Variants in DNLZ observed in about 807,000 individuals in gnomAD.
DNLZ encodes the protein DNL-type zinc finger protein.
Under a neutral mutation model 7.8 loss-of-function variants are expected in DNLZ, and 15 were observed. That is an observed-to-expected ratio of 1.91 (90% CI 1.28 to 2.95). The LOEUF (loss-of-function observed/expected upper bound fraction) is 2.95. DNLZ is among the 30% of genes most tolerant of loss of function. The probability of loss-of-function intolerance (pLI) is 0.00; values close to 1 mark genes in which losing one functional copy is unlikely to be tolerated. For missense variants in DNLZ, 255 were observed against 167.3 expected, an observed-to-expected ratio of 1.52 and a Z score of -2.89; for synonymous variants, 123 against 77.8, an observed-to-expected ratio of 1.58 and a Z score of -3.05.
At position 136,363,057 on chromosome 9, in the gene DNLZ, G is replaced by A. The variant is rs200344673; in HGVS notation, c.300C>T (p.Cys100=). 15 of 1,613,798 alleles carry A rather than the reference G, an allele frequency of 9.3e-6. No individual in the cohort carries two copies. Among genetic ancestry groups the A allele is most frequent in the Middle Eastern group, 1.6e-4 (1 of 6,062 alleles). The change falls in exon 2 of 3, where the codon TGC becomes TGT. Residue 100 remains cysteine (C), a synonymous_variant. Transcript: ENST00000371738. ...TGATATGGTGGTTCTGGCAGCCGGG[G>A]CAGGTCACAATGACCACGCCTTGGT... ...AYHQGVVIVT[C]PGCQNHHIIA...
rs930886860 is a variant in DNLZ at position 136,363,693 on chromosome 9, C to A, written c.22G>T (p.Gly8Cys). 1.2e-5 allele frequency: 5 copies of A among 413,850 alleles called. No homozygotes were observed. Among genetic ancestry groups the A allele is most frequent in the Non-Finnish European group, 1.3e-5 (3 of 236,778 alleles). The allele number at this position is 413,850 out of a possible 1,614,324, so 25.6% of individuals were successfully genotyped here. ...ACGCGACTCAGCAACCTCGGCGCGC[C>A]GCGCAGCGCAGTCCGCAGCATCCCG... MLRTALRGAPRLLSRVQP... is the reference protein window; with the variant it reads MLRTALRCAPRLLSRVQP... Residue 8 changes from glycine (G) to cysteine (C), a missense_variant, in exon 1 of 3, where the codon GGC becomes TGC. Physicochemically the swap from Gly to Cys is radical, Grantham distance 159 (BLOSUM62 -3). Transcript: ENST00000371738.
At chr9:136,362,939 A>T (rs749948326) in intron 2 of DNLZ, 50 bp downstream of exon 2, 1 of 1,591,778 alleles carries the variant, frequency 6.3e-7, no homozygotes, top group Admixed American at 1.7e-5. Flanking sequence ...CAGGGAGGCC[A>T]GGGTACTTCT....
chr9:136,363,615 C>G lies in DNLZ; in HGVS notation c.100G>C (p.Glu34Gln). 1 of 505,580 alleles carries G rather than the reference C, an allele frequency of 2.0e-6. No homozygotes were observed. The highest frequency in any genetic ancestry group is 3.5e-6 in the Non-Finnish European group (1 of 286,968). The allele number at this position is 505,580 out of a possible 1,614,324, so 31.3% of individuals were successfully genotyped here. Reference protein sequence around the residue: ...RRLWGRGARPEVAGRRRAWAW... With the variant: ...RRLWGRGARPQVAGRRRAWAW... ...CAGGCCCGCCGCCTCCCCGCGACCT[C>G]TGGACGGGCCCCGCGGCCCCACAGC... The change falls in exon 1 of 3, where the codon GAG becomes CAG. Residue 34 changes from glutamate to glutamine, a missense_variant. By Grantham distance (29) the Glu-to-Gln change is conservative. Coordinates refer to ENST00000371738, the MANE Select transcript of DNLZ (RefSeq NM_001080849.3).
chr9:136,363,297 G>A lies in DNLZ; in HGVS notation c.229-169C>T, dbSNP rs113727969. 9.6e-4 allele frequency: 403 copies of A among 421,510 alleles called. 8 individuals are homozygous for A. The South Asian group carries it at 0.013, about 14-fold the overall frequency. 26.1% of individuals were successfully genotyped at this position (421,510 alleles called of 1,614,324 possible). A position where few individuals can be genotyped will look rare whatever the true frequency, so the allele number is the denominator to read the frequency against. On this transcript the variant is annotated intron_variant, in intron 1 of 2. Transcript: ENST00000371738. ...CCTCGCCCTCTCCCGGGAAGGCCCC[G>A]CCCCAGGGACGGCTCCACCCCTCCT... is the stretch of plus-strand genomic sequence containing the variant.
Position 136,361,744 on chromosome 9 carries a change from G to C in DNLZ, c.*268C>G, listed in dbSNP as rs978867479. On this transcript the variant is annotated 3_prime_UTR_variant, in exon 3 of 3. Transcript: ENST00000371738. ...CCAGCCCCCTTTCCACGCGACTGTG[G>C]CCTCTGTGGGCAAGAGCTGGGTGAC... 1.4e-5 allele frequency: 5 copies of C among 366,742 alleles called. No individual in the cohort carries two copies. Among genetic ancestry groups the C allele is most frequent in the African/African-American group, 1.0e-4 (5 of 48,136 alleles). The allele number at this position is 366,742 out of a possible 1,614,324, so 22.7% of individuals were successfully genotyped here.
chr9:136,362,953 T>C (rs755427118), intron 2 of DNLZ, 36 bp downstream of exon 2: 1 of 1,608,266 alleles, frequency 6.2e-7, no homozygotes, highest in South Asian at 1.1e-5. Flanking sequence ...TACTTCTGGG[T>C]GGCCTTCTGG....
In DNLZ at chr9:136,362,188, G is replaced by T. The variant is rs951516807; in HGVS notation, c.369-8C>A. ...AGGATCTCTTCGATATTTCTGGGGG[G>T]CAGGGAGGCAACATGGCTCTTCAGG... On this transcript the variant is annotated splice_region_variant and splice_polypyrimidine_tract_variant and intron_variant, in intron 2 of 2. Coordinates refer to ENST00000371738, the MANE Select transcript of DNLZ (RefSeq NM_001080849.3). 10 of 1,479,088 alleles carry T rather than the reference G, an allele frequency of 6.8e-6. No homozygotes were observed. Among genetic ancestry groups the T allele is most frequent in the South Asian group, 2.8e-5 (2 of 72,186 alleles). The allele number at this position is 1,479,088 out of a possible 1,614,324, so 91.6% of individuals were successfully genotyped here.
Position 136,362,165 on chromosome 9 carries a change from G to A in DNLZ, c.384C>T (p.Ile128=), listed in dbSNP as rs751107569. 2.0e-6 allele frequency: 3 copies of A among 1,493,700 alleles called. No homozygotes were observed. The highest frequency in any genetic ancestry group is 1.8e-6 in the Non-Finnish European group (2 of 1,126,514). 92.5% of individuals were successfully genotyped at this position (1,493,700 alleles called of 1,614,324 possible). A position where few individuals can be genotyped will look rare whatever the true frequency, so the allele number is the denominator to read the frequency against. The change falls in exon 3 of 3, where the codon ATC becomes ATT. Residue 128 remains isoleucine, a synonymous_variant. Coordinates refer to ENST00000371738, the MANE Select transcript of DNLZ (RefSeq NM_001080849.3). The stretch of plus-strand genomic sequence containing the variant: ...GCACCTGCTCGCCTCTGGCCGTCAG[G>A]ATCTCTTCGATATTTCTGGGGGGCA... ...DLNGKRNIEE[I]LTARGEQVHR... is the part of the protein sequence containing the mutation.
chr9:136,363,195 C>T lies in DNLZ; in HGVS notation c.229-67G>A, dbSNP rs1833015673. On this transcript the variant is annotated intron_variant, in intron 1 of 2. Coordinates refer to ENST00000371738, the MANE Select transcript of DNLZ (RefSeq NM_001080849.3). ...ACGCCCCTCCCGGGAAGACCCGCCC[C>T]TCTAGGGGTAGCTCCAGCCACCTCA... 15 of 1,586,276 alleles carry T rather than the reference C, an allele frequency of 9.5e-6. No individual in the cohort carries two copies. In the South Asian group the frequency reaches 1.5e-4, roughly 15 times the overall value.
chr9:136,363,360 G>A (rs1833020113), intron 1 of DNLZ, 127 bp downstream of exon 1: 9 of 723,798 alleles, frequency 1.2e-5, no homozygotes, highest in Middle Eastern at 6.9e-4. Context: ...AGCCCCAAGG[G>A]GTGGCTCCAC....
rs1333961482 is a variant in DNLZ, at chr9:136,362,083, TG to T, written c.465del (p.Thr156HisfsTer134). ...LELVLEAAGA[P>X]TSTAAPEAGE... ...CCCGCTTCCGGAGCTGCAGTGGATG[TG>T]GGGGCCCCTGCAGCCTCCAGAACCA... On this transcript the variant is annotated frameshift_variant, in exon 3 of 3. Coordinates refer to ENST00000371738, the MANE Select transcript of DNLZ (RefSeq NM_001080849.3). LOFTEE classifies it low-confidence loss of function (END_TRUNC). The T allele has an allele frequency of 3.4e-6, 5 of 1,455,930 alleles. No homozygotes were observed. Among genetic ancestry groups the T allele is most frequent in the Non-Finnish European group, 3.6e-6 (4 of 1,100,322 alleles). The allele number at this position is 1,455,930 out of a possible 1,614,324, so 90.2% of individuals were successfully genotyped here. A position where few individuals can be genotyped will look rare whatever the true frequency, so the allele number is the denominator to read the frequency against.
Position 136,362,976 on chromosome 9 carries a change from G to T in DNLZ, c.368+13C>A. 1 of 1,613,442 alleles carries T rather than the reference G, an allele frequency of 6.2e-7. No homozygotes were observed. The highest frequency in any genetic ancestry group is 1.1e-5 in the South Asian group (1 of 91,090). The stretch of plus-strand genomic sequence containing the variant: ...GGTGGCCTTCTGGCCCAGCCCTGGG[G>T]TACAGGCCTCACCTCTTCCCATTCA... On this transcript the variant is annotated intron_variant, in intron 2 of 2. Coordinates refer to ENST00000371738, the MANE Select transcript of DNLZ (RefSeq NM_001080849.3).
chr9:136,362,496 T>C (rs1832998525), intron 2 of DNLZ, among the ~76,000 whole-genome samples: 1 of 152,220 alleles, frequency 6.6e-6, no homozygotes, highest in African/African-American at 2.4e-5. Context: ...GCACCTGGCA[T>C]GCTGGTCTCA....
Position 136,361,867 on chromosome 9 carries a change from AAAAG to A in DNLZ, c.*141_*144del. ...TCAGAGCAATCGTTCTAACTCCAGA[AAAAG>A]AAAGGCCACGAGGGCCACAGGCCCC... On this transcript the variant is annotated 3_prime_UTR_variant, in exon 3 of 3. Transcript: ENST00000371738. 3.4e-6 allele frequency: 2 copies of A among 595,464 alleles called. No homozygotes were observed. Among genetic ancestry groups the A allele is most frequent in the Non-Finnish European group, 4.9e-6 (2 of 405,336 alleles). 36.9% of individuals were successfully genotyped at this position (595,464 alleles called of 1,614,324 possible). A position where few individuals can be genotyped will look rare whatever the true frequency, so the allele number is the denominator to read the frequency against.
Position 136,363,066 on chromosome 9 carries a change from A to G in DNLZ, c.291T>C (p.Ile97=). 6.2e-7 allele frequency: 1 copy of G among 1,613,738 alleles called. No homozygotes were observed. Among genetic ancestry groups the G allele is most frequent in the South Asian group, 1.1e-5 (1 of 91,088 alleles). The change falls in exon 2 of 3, where the codon ATT becomes ATC. Residue 97 remains isoleucine, a synonymous_variant. Coordinates refer to ENST00000371738, the MANE Select transcript of DNLZ (RefSeq NM_001080849.3). The part of the protein sequence containing the change: ...SKLAYHQGVV[I]VTCPGCQNHH... ...GGTTCTGGCAGCCGGGGCAGGTCAC[A>G]ATGACCACGCCTTGGTGATAGGCCA...
rs1456930641 is a variant in DNLZ, at chr9:136,361,497, C to T, written c.*515G>A. 1 of 152,572 alleles carries T rather than the reference C, an allele frequency of 6.6e-6. No individual in the cohort carries two copies. The highest frequency in any genetic ancestry group is 2.4e-5 in the African/African-American group (1 of 41,476). 9.5% of individuals were successfully genotyped at this position (152,572 alleles called of 1,614,324 possible). A position where few individuals can be genotyped will look rare whatever the true frequency, so the allele number is the denominator to read the frequency against. On this transcript the variant is annotated 3_prime_UTR_variant, in exon 3 of 3. Coordinates refer to ENST00000371738, the MANE Select transcript of DNLZ (RefSeq NM_001080849.3). ...CTAACACACGGCCACGCCATAGCTG[C>T]TCGTCCTGCCTGGGCCAGCAGGCAG...
rs938234342 is a variant in DNLZ, at chr9:136,359,828, G to A, written c.*2184C>T. 1 of 152,264 alleles carries A rather than the reference G, an allele frequency of 6.6e-6. No homozygotes were observed. The highest frequency in any genetic ancestry group is 6.5e-5 in the Admixed American group (1 of 15,280). The allele number at this position is 152,264 out of a possible 1,614,324, so 9.4% of individuals were successfully genotyped here. ...CCTCCTCACGCTCCCAGCCCCTAGG[G>A]AAACAGAGCATGCTCTGAGCTGACA... is the stretch of plus-strand genomic sequence containing the variant. On this transcript the variant is annotated 3_prime_UTR_variant, in exon 3 of 3. Coordinates refer to ENST00000371738, the MANE Select transcript of DNLZ (RefSeq NM_001080849.3).
Position 136,360,479 on chromosome 9 carries a change from G to C in DNLZ, c.*1533C>G, listed in dbSNP as rs1832963074. 1 of 152,086 alleles carries C rather than the reference G, an allele frequency of 6.6e-6. No homozygotes were observed. The highest frequency in any genetic ancestry group is 1.5e-5 in the Non-Finnish European group (1 of 68,026). 9.4% of individuals were successfully genotyped at this position (152,086 alleles called of 1,614,324 possible). A position where few individuals can be genotyped will look rare whatever the true frequency, so the allele number is the denominator to read the frequency against. On this transcript the variant is annotated 3_prime_UTR_variant, in exon 3 of 3. Coordinates refer to ENST00000371738, the MANE Select transcript of DNLZ (RefSeq NM_001080849.3). ...AGGCAGGGATGTCCTGGGGCGGGGG[G>C]GTGTAGAGTGGCAGGAGATTAGGAT...
At chr9:136,363,162 G>A in intron 1 of DNLZ, 34 bp from the exon 2 acceptor site, 2 of 1,608,098 alleles carry the variant, frequency 1.2e-6, no homozygotes, top group Non-Finnish European at 1.7e-6. Flanking sequence ...GAGGCTGTGA[G>A]GGCCGCCACG....
Sources: allele counts gnomAD v4.1 joint callset (sites outside exome capture counted in the v4.1 genomes callset), GRCh38; gene constraint gnomAD v4.1.1; transcripts MANE v1.5; gene names NCBI Gene and HGNC (gene_info 2026-07-23, HGNC 2026-07-21).